The following AUTS2 variants were observed in gnomAD, a reference collection of about 807,000 sequenced individuals.
AUTS2 encodes the protein activator of transcription and developmental regulator AUTS2.
AUTS2 carries 17 observed loss-of-function variants against 112.4 expected under a neutral mutation model. The observed-to-expected ratio is 0.15, with a 90% CI of 0.10 to 0.23. The LOEUF (loss-of-function observed/expected upper bound fraction) is 0.23. Among genes scored for constraint, AUTS2 ranks in the 10% least tolerant of loss-of-function variants. AUTS2 has a pLI of 1.00. For missense variants in AUTS2, 1,510 were observed against 1,701.6 expected, an observed-to-expected ratio of 0.89 and a Z score of 1.98; for synonymous variants, 751 against 702.7, an observed-to-expected ratio of 1.07 and a Z score of -1.09.
At chr7:69,924,723 G>T (rs1332234700) in intron 2 of AUTS2, among the ~76,000 whole-genome samples, 1 of 152,036 alleles carries the variant, frequency 6.6e-6, no homozygotes, top group East Asian at 1.9e-4. Flanking sequence ...AGCTAATTTT[G>T]TATTTTTAGT....
At chr7:69,762,078 G>A (rs1277432837) in intron 1 of AUTS2, among the ~76,000 whole-genome samples, 2 of 152,072 alleles carry the variant, frequency 1.3e-5, no homozygotes, top group Non-Finnish European at 2.9e-5. Context: ...CTATTTGAGA[G>A]GACCCAAGCT....
chr7:70,122,282 C>T (rs943803245), intron 3 of AUTS2, among the ~76,000 whole-genome samples: 2 of 151,972 alleles, frequency 1.3e-5, no homozygotes, highest in Non-Finnish European at 2.9e-5. Context: ...ATGACAGTTG[C>T]TCAATGTTTT....
At chr7:70,663,838 G>A (rs1807198439) in intron 5 of AUTS2, among the ~76,000 whole-genome samples, 1 of 152,086 alleles carries the variant, frequency 6.6e-6, no homozygotes, top group Non-Finnish European at 1.5e-5. Context: ...TCACTACCAC[G>A]TCTCAGAATG....
chr7:69,818,980 G>T (rs1790874375), intron 1 of AUTS2, among the ~76,000 whole-genome samples: 2 of 152,178 alleles, frequency 1.3e-5, no homozygotes, highest in African/African-American at 4.8e-5. Flanking sequence ...GGGAAAAAGT[G>T]CCCCTCACCT....
intron 1 of AUTS2, among the ~76,000 whole-genome samples, chr7:69,654,341 C>T (rs538071117): frequency 9.2e-5 from 14 of 152,342 alleles, no homozygotes; most frequent in African/African-American, 2.9e-4. Flanking sequence ...TTGCTGACAT[C>T]TCCAAGGGGA....
intron 5 of AUTS2, among the ~76,000 whole-genome samples, chr7:70,576,093 C>T (rs150146988): frequency 6.6e-6 from 1 of 152,212 alleles, no homozygotes; most frequent in Non-Finnish European, 1.5e-5. Context: ...TAATTGACCC[C>T]CTAGGTTTCC....
At chr7:70,093,120 A>G (rs139946015) in intron 2 of AUTS2, among the ~76,000 whole-genome samples, 19 of 152,314 alleles carry the variant, frequency 1.2e-4, no homozygotes, top group Non-Finnish European at 2.4e-4. Context: ...GAAATGAGCA[A>G]TGCAGCCCAG....
intron 5 of AUTS2, among the ~76,000 whole-genome samples, chr7:70,656,835 T>G (rs1386380027): frequency 2.0e-5 from 3 of 152,218 alleles, no homozygotes; most frequent in Non-Finnish European, 4.4e-5. Flanking sequence ...CCCAGATTTC[T>G]CAGGACATTT....
intron 5 of AUTS2, among the ~76,000 whole-genome samples, chr7:70,594,302 G>A (rs113131883): frequency 6.6e-6 from 1 of 152,156 alleles, no homozygotes; most frequent in African/African-American, 2.4e-5. Flanking sequence ...AATCCCCTGG[G>A]GTTGGGGGGC....
chr7:70,342,472 A>G lies in AUTS2; in HGVS notation c.661-93280A>G, dbSNP rs79423288. ...TGACAATATTGAATTTCCATTGTTC[A>G]TCCCATCACTGCCCAGTAGAACTTC... is the stretch of plus-strand genomic sequence containing the variant. On this transcript the variant is annotated intron_variant, in intron 4 of 18. Transcript: ENST00000342771. Among the ~76,000 whole-genome samples, 1,462 of 152,120 alleles carry G rather than the reference A, an allele frequency of 9.6e-3. 60 individuals carry two copies. In the East Asian group the frequency reaches 0.13, roughly 13 times the overall value.
chr7:69,627,011 A>G (rs1793985681), intron 1 of AUTS2, among the ~76,000 whole-genome samples: 2 of 152,274 alleles, frequency 1.3e-5, no homozygotes, highest in South Asian at 4.1e-4. Context: ...AAAGTGCAGT[A>G]TAAGAAATAG....
intron 6 of AUTS2, among the ~76,000 whole-genome samples, chr7:70,736,828 A>G (rs571916472): frequency 6.6e-6 from 1 of 152,316 alleles, no homozygotes; most frequent in Admixed American, 6.5e-5. Flanking sequence ...TCTGCCTGTT[A>G]GAAGGATCCA....
chr7:70,626,229 A>G (rs2129537580), intron 5 of AUTS2, among the ~76,000 whole-genome samples: 1 of 133,152 alleles, frequency 7.5e-6, no homozygotes, highest in South Asian at 2.4e-4. Flanking sequence ...TCTTTTTTAA[A>G]GAACTGATAG....
chr7:70,279,172 G>A (rs369845285), intron 4 of AUTS2, among the ~76,000 whole-genome samples: 2 of 152,010 alleles, frequency 1.3e-5, no homozygotes, highest in South Asian at 2.1e-4. Context: ...TTCTGAAATC[G>A]GAAAGTTTCT....
chr7:70,299,574 A>G (rs1789108378), intron 4 of AUTS2, among the ~76,000 whole-genome samples: 1 of 152,140 alleles, frequency 6.6e-6, no homozygotes. Context: ...CTAGATTGGT[A>G]TCATTGAAGC....
intron 2 of AUTS2, among the ~76,000 whole-genome samples, chr7:69,945,091 TA>T (rs140056430): frequency 0.083 from 12,666 of 152,222 alleles, 678 homozygotes; most frequent in African/African-American, 0.14. Flanking sequence ...TTTCACAATT[TA>T]AAAAATAGAT....
At chr7:69,781,526 A>G (rs1789144170) in intron 1 of AUTS2, among the ~76,000 whole-genome samples, 1 of 152,232 alleles carries the variant, frequency 6.6e-6, no homozygotes. Context: ...CCTAAGGAGA[A>G]CTGCCTTCTT....
At chr7:70,252,666 C>T (rs1416090654) in intron 4 of AUTS2, among the ~76,000 whole-genome samples, 1 of 151,972 alleles carries the variant, frequency 6.6e-6, no homozygotes, top group African/African-American at 2.4e-5. Context: ...TTTCCTAGAC[C>T]AATGTTGTGG....
At chr7:69,875,832 G>A (rs1793710082) in intron 1 of AUTS2, among the ~76,000 whole-genome samples, 1 of 152,146 alleles carries the variant, frequency 6.6e-6, no homozygotes, top group Non-Finnish European at 1.5e-5. Flanking sequence ...TCAACTGCAT[G>A]TAGAGGAGGG....
Sources: allele counts gnomAD v4.1 joint callset (sites outside exome capture counted in the v4.1 genomes callset), GRCh38; gene constraint gnomAD v4.1.1; transcripts MANE v1.5; gene names NCBI Gene and HGNC (gene_info 2026-07-23, HGNC 2026-07-21).